STAC: variants seen among roughly 807,000 people sequenced by gnomAD.
The protein encoded by STAC is SH3 and cysteine rich domain.
Under a neutral mutation model 48.8 loss-of-function variants are expected in STAC, and 43 were observed. The ratio of observed to expected loss-of-function variants is 0.88; its 90% CI spans 0.69 to 1.14. The LOEUF (loss-of-function observed/expected upper bound fraction) is 1.14, where lower values mean the gene tolerates loss of function less well. Ranked by LOEUF, STAC falls within the 50% of genes most tolerant of loss-of-function variation. The pLI is 0.00. For missense variants in STAC, 497 were observed against 504.0 expected (o/e 0.99, Z 0.13); for synonymous variants, 193 against 179.5 (o/e 1.07, Z -0.60).
intron 10 of STAC, among the ~76,000 whole-genome samples, chr3:36,541,196 C>A (rs1050652609): frequency 3.9e-5 from 6 of 152,028 alleles, no homozygotes; most frequent in African/African-American, 1.4e-4. Flanking sequence ...AAAAAACTTT[C>A]CCAGAGTTTC....
chr3:36,447,961 T>C (rs1443845241), intron 2 of STAC, among the ~76,000 whole-genome samples: 5 of 152,164 alleles, frequency 3.3e-5, no homozygotes, highest in Non-Finnish European at 7.3e-5. Flanking sequence ...GTGTTTCCAT[T>C]TTAAAATGCA....
chr3:36,463,297 T>A (rs1241363159), intron 2 of STAC, among the ~76,000 whole-genome samples: 1 of 152,072 alleles, frequency 6.6e-6, no homozygotes, highest in Non-Finnish European at 1.5e-5. Context: ...CCTGAAATAA[T>A]TTTTCTTTTA....
At chr3:36,509,588 C>T (rs1698487248) in intron 8 of STAC, among the ~76,000 whole-genome samples, 1 of 152,002 alleles carries the variant, frequency 6.6e-6, no homozygotes, top group Non-Finnish European at 1.5e-5. Context: ...TTCTTGGAGG[C>T]TTTGTTTATT....
chr3:36,424,096 C>T (rs569281740), intron 1 of STAC, among the ~76,000 whole-genome samples: 1 of 152,124 alleles, frequency 6.6e-6, no homozygotes. Flanking sequence ...GGATGACAGG[C>T]AGCATGTAGC....
chr3:36,403,950 GCA>G (rs1277152884), intron 1 of STAC, among the ~76,000 whole-genome samples: 1 of 152,134 alleles, frequency 6.6e-6, no homozygotes, highest in African/African-American at 2.4e-5. Flanking sequence ...AAGCAATTTT[GCA>G]CAGTGACTCT....
At chr3:36,414,688 C>T (rs1700277663) in intron 1 of STAC, among the ~76,000 whole-genome samples, 1 of 152,224 alleles carries the variant, frequency 6.6e-6, no homozygotes, top group African/African-American at 2.4e-5. Flanking sequence ...CATTCTCTGT[C>T]CAGCTTTGTT....
chr3:36,495,275 T>C (rs1198320112), intron 6 of STAC, among the ~76,000 whole-genome samples: 1 of 152,228 alleles, frequency 6.6e-6, no homozygotes, highest in Non-Finnish European at 1.5e-5. Context: ...TCATCTTCAG[T>C]ATTAGGCTTC....
chr3:36,468,745 C>CAT (rs1170108527), intron 2 of STAC, among the ~76,000 whole-genome samples: 12 of 137,506 alleles, frequency 8.7e-5, no homozygotes, highest in Non-Finnish European at 1.8e-4. Context: ...ATATAAAATA[C>CAT]ATATATGTGT....
chr3:36,526,951 C>T (rs1212232694), intron 8 of STAC, among the ~76,000 whole-genome samples: 4 of 152,172 alleles, frequency 2.6e-5, no homozygotes, highest in Non-Finnish European at 5.9e-5. Flanking sequence ...GAGGAGGCGG[C>T]ACCATACTGC....
chr3:36,444,892 C>A (rs1481339576), intron 2 of STAC, among the ~76,000 whole-genome samples: 2 of 152,130 alleles, frequency 1.3e-5, no homozygotes, highest in Non-Finnish European at 2.9e-5. Flanking sequence ...GGTTGCTGGG[C>A]CGGGGGCGAT....
intron 1 of STAC, among the ~76,000 whole-genome samples, chr3:36,393,016 A>G (rs949364475): frequency 8.5e-5 from 13 of 152,122 alleles, no homozygotes; most frequent in African/African-American, 2.7e-4. Context: ...ACCCTCTTCC[A>G]TATCAGCCAC....
intron 1 of STAC, among the ~76,000 whole-genome samples, chr3:36,389,095 T>C (rs1004321868): frequency 4.6e-5 from 7 of 152,348 alleles, no homozygotes; most frequent in African/African-American, 1.7e-4. Context: ...TCTGTAGTTA[T>C]TGAAACGCCT....
At chr3:36,539,412 GTCC>G (rs1033481266) in intron 10 of STAC, among the ~76,000 whole-genome samples, 5 of 152,024 alleles carry the variant, frequency 3.3e-5, no homozygotes, top group Admixed American at 6.6e-5. Flanking sequence ...GTGTCCATGT[GTCC>G]TCATCATTTA....
chr3:36,486,081 G>A (rs1031320101), intron 4 of STAC, 53 bp from the exon 5 acceptor site: 6 of 1,395,218 alleles, frequency 4.3e-6, no homozygotes, highest in African/African-American at 2.8e-5. Context: ...GTAGGCAGTT[G>A]GCTGGGTCCT....
At chr3:36,505,720 C>T (rs377013590) in intron 7 of STAC, 26 bp from the exon 8 acceptor site, 2 of 1,471,004 alleles carry the variant, frequency 1.4e-6, no homozygotes, top group Non-Finnish European at 1.9e-6. Flanking sequence ...TTTCTTTTCT[C>T]ATTTTTCTTT....
At chr3:36,436,714 T>C (rs1559490566) in intron 1 of STAC, among the ~76,000 whole-genome samples, 2 of 152,174 alleles carry the variant, frequency 1.3e-5, no homozygotes, top group Non-Finnish European at 2.9e-5. Flanking sequence ...TTATATTATT[T>C]ACCACTCTGA....
chr3:36,457,265 G>A (rs575372366), intron 2 of STAC, among the ~76,000 whole-genome samples: 2 of 152,244 alleles, frequency 1.3e-5, no homozygotes, highest in East Asian at 3.9e-4. Context: ...GGAGTCAGAG[G>A]GTTGGTGGAT....
At chr3:36,522,788 T>G (rs1311827408) in intron 8 of STAC, among the ~76,000 whole-genome samples, 1 of 152,164 alleles carries the variant, frequency 6.6e-6, no homozygotes, top group Non-Finnish European at 1.5e-5. Flanking sequence ...GAGGGTGTCG[T>G]GTCTCCTCTC....
intron 1 of STAC, among the ~76,000 whole-genome samples, chr3:36,382,622 G>T (rs2125608740): frequency 6.6e-6 from 1 of 152,264 alleles, no homozygotes. Context: ...ATGCAATATT[G>T]TATGCCTACA....
Sources: gnomAD v4.1 joint callset for allele counts (sites outside exome capture counted in the v4.1 genomes callset) on GRCh38, gnomAD v4.1.1 for gene constraint, MANE v1.5 for transcripts, NCBI Gene and HGNC (gene_info 2026-07-23, HGNC 2026-07-21) for gene names.